The following SDCCAG8 variants were observed in gnomAD, a reference collection of about 807,000 sequenced individuals.
SDCCAG8 encodes the protein serologically defined colon cancer antigen 8.
SDCCAG8 carries 74 observed loss-of-function variants against 101.8 expected under a neutral mutation model. The ratio of observed to expected loss-of-function variants is 0.73; its 90% CI spans 0.60 to 0.88. The LOEUF is 0.88. Among genes scored for constraint, SDCCAG8 ranks in the 40% least tolerant of loss-of-function variants. The pLI is 0.00. For missense variants in SDCCAG8, 787 were observed against 822.6 expected (o/e 0.96, Z 0.53); for synonymous variants, 281 against 292.9 (o/e 0.96, Z 0.41).
In SDCCAG8 at chr1:243,362,843, T is replaced by C. The variant is rs1192548487; in HGVS notation, c.1474-15878T>C. Among the ~76,000 whole-genome samples the C allele has an allele frequency of 2.0e-5, 3 of 152,236 alleles. No homozygotes were observed. The East Asian group carries it at 5.8e-4, about 29-fold the overall frequency. ...CATTTGCCTTATTGTTTATCAAATATGTCTCATTGTAAATTCTTATTGAGC... is the reference window on the plus strand; with the variant it reads ...CATTTGCCTTATTGTTTATCAAATACGTCTCATTGTAAATTCTTATTGAGC... On this transcript the variant is annotated intron_variant, in intron 12 of 17. Transcript: ENST00000366541.
chr1:243,422,221 A>T (rs1240106478), intron 15 of SDCCAG8, among the ~76,000 whole-genome samples: 2 of 151,970 alleles, frequency 1.3e-5, no homozygotes, highest in Non-Finnish European at 2.9e-5. Flanking sequence ...TGTATTTGTG[A>T]TTTGCGTTTT....
In SDCCAG8 at chr1:243,259,326, G is replaced by C. The variant is rs190083974; in HGVS notation, c.67+3086G>C. 2.7e-3 allele frequency among the ~76,000 whole-genome samples: 414 copies of C among 152,156 alleles called. 3 individuals carry two copies. The highest frequency in any genetic ancestry group is 9.5e-3 in the African/African-American group (396 of 41,510). ...GGAGGCTGAGGCAGGAGAATGGCATGAACCCAGGAGGTGGAGCTTGCAGTG... is the reference window on the plus strand; with the variant it reads ...GGAGGCTGAGGCAGGAGAATGGCATCAACCCAGGAGGTGGAGCTTGCAGTG... On this transcript the variant is annotated intron_variant, in intron 1 of 17. Transcript: ENST00000366541.
At chr1:243,438,546 C>G (rs1437324281) in intron 16 of SDCCAG8, among the ~76,000 whole-genome samples, 1 of 146,100 alleles carries the variant, frequency 6.8e-6, no homozygotes, top group Non-Finnish European at 1.5e-5. Flanking sequence ...GTGTGTGTGT[C>G]TATGCACACG....
Position 243,332,276 on chromosome 1 carries a change from T to G in SDCCAG8, c.1221+1584T>G, listed in dbSNP as rs116646694. The stretch of plus-strand genomic sequence containing the variant: ...AAATCCATATGAAGGATTTTCAATT[T>G]TGTCCAAAAAGGGATGGAAAGCCAT... On this transcript the variant is annotated intron_variant, in intron 10 of 17. Transcript: ENST00000366541. Among the ~76,000 whole-genome samples, 535 of 152,314 alleles carry G rather than the reference T, an allele frequency of 3.5e-3. 4 individuals carry two copies. The highest frequency in any genetic ancestry group is 0.012 in the African/African-American group (512 of 41,570).
chr1:243,381,461 C>T (rs545994730), intron 13 of SDCCAG8, among the ~76,000 whole-genome samples: 122 of 151,950 alleles, frequency 8.0e-4, no homozygotes, highest in Non-Finnish European at 1.2e-3. Flanking sequence ...CATGGTGGTG[C>T]ACCTATAGAC....
At chr1:243,323,390 T>C (rs1019406520) in intron 9 of SDCCAG8, among the ~76,000 whole-genome samples, 1 of 151,808 alleles carries the variant, frequency 6.6e-6, no homozygotes, top group East Asian at 1.9e-4. Context: ...CTCGAATGTC[T>C]CCTCTCCTTA....
intron 1 of SDCCAG8, among the ~76,000 whole-genome samples, chr1:243,257,686 CTG>C (rs1468901046): frequency 6.6e-6 from 1 of 152,166 alleles, no homozygotes; most frequent in African/African-American, 2.4e-5. Context: ...TGTTAACAAA[CTG>C]TCGACATTCT....
intron 16 of SDCCAG8, among the ~76,000 whole-genome samples, chr1:243,440,002 T>A (rs1344754815): frequency 6.6e-6 from 1 of 152,206 alleles, no homozygotes; most frequent in Admixed American, 6.5e-5. Context: ...AAAGACTTTT[T>A]AATTGCTAAT....
chr1:243,485,054 A>AAG (rs1558534570), intron 16 of SDCCAG8, among the ~76,000 whole-genome samples: 4 of 149,476 alleles, frequency 2.7e-5, no homozygotes, highest in South Asian at 2.1e-4. Context: ...AAAAAAAAAA[A>AAG]AAGAAGAAGA....
At position 243,493,165 on chromosome 1, in the gene SDCCAG8, C is replaced by T. The variant is rs538682604; in HGVS notation, c.2112+4025C>T. Among the ~76,000 whole-genome samples the T allele has an allele frequency of 6.2e-4, 93 of 149,614 alleles. 1 individual carries two copies. Among genetic ancestry groups the T allele is most frequent in the African/African-American group, 2.1e-3 (87 of 40,530 alleles). On this transcript the variant is annotated intron_variant, in intron 17 of 17. Coordinates refer to ENST00000366541, the MANE Select transcript of SDCCAG8 (RefSeq NM_006642.5). ...TTTGTTTGAGACTGGGCTGGGTAGT[C>T]GCACTCTCGCCCTCTTGAGAGGCAG...
At chr1:243,420,498 T>G (rs781032103) in intron 15 of SDCCAG8, among the ~76,000 whole-genome samples, 1 of 152,174 alleles carries the variant, frequency 6.6e-6, no homozygotes, top group Non-Finnish European at 1.5e-5. Flanking sequence ...TATGCCACAA[T>G]GAAAGCCTTT....
At chr1:243,462,298 C>T (rs570116553) in intron 16 of SDCCAG8, among the ~76,000 whole-genome samples, 52 of 152,294 alleles carry the variant, frequency 3.4e-4, no homozygotes, top group African/African-American at 1.2e-3. Context: ...CCAGTGTTCT[C>T]GTTCCTATCA....
At chr1:243,402,914 G>A (rs926679346) in intron 13 of SDCCAG8, among the ~76,000 whole-genome samples, 2 of 152,098 alleles carry the variant, frequency 1.3e-5, no homozygotes, top group African/African-American at 4.8e-5. Context: ...ACCACTTACT[G>A]GCCATTACTT....
intron 17 of SDCCAG8, among the ~76,000 whole-genome samples, chr1:243,492,350 G>A (rs1347158654): frequency 1.7e-5 from 2 of 116,272 alleles, no homozygotes; most frequent in African/African-American, 6.7e-5. Context: ...CACCCGGACT[G>A]GAGTACAGTG....
chr1:243,334,512 G>A (rs1417097019), intron 10 of SDCCAG8, among the ~76,000 whole-genome samples: 1 of 152,144 alleles, frequency 6.6e-6, no homozygotes, highest in Non-Finnish European at 1.5e-5. Flanking sequence ...TTCCAGTGCA[G>A]GATATTGCAT....
At chr1:243,459,314 C>T (rs1043928279) in intron 16 of SDCCAG8, among the ~76,000 whole-genome samples, 4 of 152,162 alleles carry the variant, frequency 2.6e-5, no homozygotes, top group African/African-American at 7.2e-5. Flanking sequence ...TTGCCTGACT[C>T]GAAAGCTTGT....
At chr1:243,348,480 C>T (rs2147806946) in intron 12 of SDCCAG8, among the ~76,000 whole-genome samples, 1 of 152,174 alleles carries the variant, frequency 6.6e-6, no homozygotes, top group East Asian at 1.9e-4. Flanking sequence ...CACACCTCCC[C>T]CAGTGACATA....
intron 16 of SDCCAG8, among the ~76,000 whole-genome samples, chr1:243,456,152 T>C (rs1217389527): frequency 6.6e-6 from 1 of 152,172 alleles, no homozygotes; most frequent in African/African-American, 2.4e-5. Context: ...GCAGAATTTA[T>C]CTTGGTGGAA....
intron 13 of SDCCAG8, 63 bp downstream of exon 13, chr1:243,378,926 C>A: frequency 6.3e-7 from 1 of 1,599,080 alleles, no homozygotes; most frequent in Non-Finnish European, 8.6e-7. Flanking sequence ...TTGCCACAGG[C>A]TTCCAAACAG....
Sources: gnomAD v4.1 joint callset for allele counts (sites outside exome capture counted in the v4.1 genomes callset) on GRCh38, gnomAD v4.1.1 for gene constraint, MANE v1.5 for transcripts, NCBI Gene and HGNC (gene_info 2026-07-23, HGNC 2026-07-21) for gene names.